Variants in SPOCK1 observed in about 807,000 individuals in gnomAD.
SPOCK1 encodes the protein SPARC (osteonectin), cwcv and kazal like domains proteoglycan 1.
In SPOCK1, 23 loss-of-function variants were observed where a neutral mutation model predicts 55.3. That is an observed-to-expected ratio of 0.42 (90% CI 0.30 to 0.59). The LOEUF is 0.59. Ranked by LOEUF, SPOCK1 falls within the 20% of genes least tolerant of loss-of-function variation. SPOCK1 has a pLI of 0.22. For missense variants in SPOCK1, 499 were observed against 552.5 expected, an observed-to-expected ratio of 0.90 and a Z score of 0.97; for synonymous variants, 226 against 221.0, an observed-to-expected ratio of 1.02 and a Z score of -0.20.
chr5:137,391,796 C>T (rs930584022), intron 2 of SPOCK1, among the ~76,000 whole-genome samples: 1 of 152,140 alleles, frequency 6.6e-6, no homozygotes, highest in African/African-American at 2.4e-5. Flanking sequence ...CAACTGCTTC[C>T]TCTTGAGCTC....
At chr5:137,104,136 G>A (rs964433057) in intron 5 of SPOCK1, among the ~76,000 whole-genome samples, 2 of 152,248 alleles carry the variant, frequency 1.3e-5, no homozygotes, top group African/African-American at 4.8e-5. Context: ...AGTGTTGGAG[G>A]TGGGGCTGGT....
chr5:137,253,397 T>C (rs1756573759), intron 3 of SPOCK1, among the ~76,000 whole-genome samples: 2 of 152,248 alleles, frequency 1.3e-5, no homozygotes, highest in South Asian at 4.1e-4. Flanking sequence ...CTTGCAAAGC[T>C]GCATAGACAT....
At chr5:137,268,396 T>C (rs1261907353) in intron 2 of SPOCK1, among the ~76,000 whole-genome samples, 1 of 152,212 alleles carries the variant, frequency 6.6e-6, no homozygotes, top group African/African-American at 2.4e-5. Flanking sequence ...ATAACTGGCC[T>C]TCTCACCCAT....
intron 2 of SPOCK1, among the ~76,000 whole-genome samples, chr5:137,430,985 AAGAC>A (rs1236425892): frequency 6.6e-6 from 1 of 152,148 alleles, no homozygotes; most frequent in Admixed American, 6.5e-5. Context: ...ATTTTTTATA[AAGAC>A]AGTCCAAGCT....
intron 5 of SPOCK1, among the ~76,000 whole-genome samples, chr5:137,081,395 T>G (rs713583): frequency 6.6e-6 from 1 of 152,078 alleles, no homozygotes; most frequent in Non-Finnish European, 1.5e-5. Flanking sequence ...GAAAAACAGA[T>G]ACTAGCTAAG....
chr5:137,234,907 A>C (rs887755764), intron 3 of SPOCK1, among the ~76,000 whole-genome samples: 1 of 152,220 alleles, frequency 6.6e-6, no homozygotes, highest in Non-Finnish European at 1.5e-5. Context: ...TGCTCATCAG[A>C]GAGATGAACA....
intron 2 of SPOCK1, among the ~76,000 whole-genome samples, chr5:137,424,142 G>T (rs532072345): frequency 6.6e-6 from 1 of 152,266 alleles, no homozygotes; most frequent in East Asian, 1.9e-4. Context: ...TCTTTTGGGA[G>T]GCCAAGGCAG....
At chr5:137,358,222 A>G (rs1244468869) in intron 2 of SPOCK1, among the ~76,000 whole-genome samples, 1 of 151,764 alleles carries the variant, frequency 6.6e-6, no homozygotes, top group Non-Finnish European at 1.5e-5. Flanking sequence ...TCACTTTCCC[A>G]AGGCCAAAAA....
intron 3 of SPOCK1, among the ~76,000 whole-genome samples, chr5:137,240,356 A>C (rs561334482): frequency 4.6e-5 from 7 of 152,194 alleles, no homozygotes; most frequent in African/African-American, 7.2e-5. Context: ...TCATGATAGA[A>C]AGCAAAGGGA....
At chr5:137,286,882 C>T (rs1421146024) in intron 2 of SPOCK1, among the ~76,000 whole-genome samples, 1 of 152,198 alleles carries the variant, frequency 6.6e-6, no homozygotes, top group Non-Finnish European at 1.5e-5. Flanking sequence ...AAAACAGGTA[C>T]TTTAAAGGAA....
At chr5:137,095,546 G>T in intron 5 of SPOCK1, among the ~76,000 whole-genome samples, 1 of 152,166 alleles carries the variant, frequency 6.6e-6, no homozygotes, top group East Asian at 1.9e-4. Flanking sequence ...AATGAAAACA[G>T]AATTGTGCAT....
At chr5:137,490,111 G>T (rs1754143497) in intron 2 of SPOCK1, among the ~76,000 whole-genome samples, 1 of 152,172 alleles carries the variant, frequency 6.6e-6, no homozygotes, top group Admixed American at 6.5e-5. Context: ...CACATAGCTG[G>T]CATTTGAAGA....
intron 3 of SPOCK1, among the ~76,000 whole-genome samples, chr5:137,256,817 G>A (rs998470486): frequency 4.6e-5 from 7 of 152,034 alleles, no homozygotes; most frequent in East Asian, 1.9e-4. Context: ...AACCTCCAGC[G>A]CACGCGTGCC....
chr5:137,345,822 C>A (rs1210254066), intron 2 of SPOCK1, among the ~76,000 whole-genome samples: 1 of 152,196 alleles, frequency 6.6e-6, no homozygotes, highest in South Asian at 2.1e-4. Flanking sequence ...CTTAAGGAAG[C>A]CTCATCTCTA....
At chr5:137,122,998 GGGACATGATGCCA>G (rs1753716250) in intron 4 of SPOCK1, among the ~76,000 whole-genome samples, 1 of 152,206 alleles carries the variant, frequency 6.6e-6, no homozygotes, top group Admixed American at 6.5e-5. Context: ...AGTGGCTTCA[GGGACATGATGCCA>G]GGACAGACAC....
intron 2 of SPOCK1, among the ~76,000 whole-genome samples, chr5:137,425,082 C>T (rs1752580534): frequency 1.3e-5 from 2 of 152,174 alleles, no homozygotes; most frequent in Non-Finnish European, 2.9e-5. Context: ...ATATGAACAA[C>T]ACAGTTATAA....
chr5:137,173,388 C>A (rs113390219), intron 3 of SPOCK1, among the ~76,000 whole-genome samples: 4 of 152,266 alleles, frequency 2.6e-5, no homozygotes, highest in African/African-American at 9.6e-5. Context: ...TCAACTTTTT[C>A]TTAACCAGAG....
intron 4 of SPOCK1, among the ~76,000 whole-genome samples, chr5:137,127,724 C>A (rs184326510): frequency 6.6e-6 from 1 of 152,374 alleles, no homozygotes; most frequent in African/African-American, 2.4e-5. Context: ...CTATACCTAT[C>A]CCACAATTAT....
At chr5:137,131,694 C>CGGG (rs1033112372) in intron 4 of SPOCK1, among the ~76,000 whole-genome samples, 1 of 151,310 alleles carries the variant, frequency 6.6e-6, no homozygotes, top group Non-Finnish European at 1.5e-5. Context: ...ATCTCCCCCC[C>CGGG]GGGTGTGGTA....
Sources: allele counts gnomAD v4.1 joint callset (sites outside exome capture counted in the v4.1 genomes callset), GRCh38; gene constraint gnomAD v4.1.1; transcripts MANE v1.5; gene names NCBI Gene and HGNC (gene_info 2026-07-23, HGNC 2026-07-21).